The following ITPR2 variants were observed in gnomAD, a reference collection of about 807,000 sequenced individuals.
ITPR2 encodes inositol 1,4,5-trisphosphate receptor type 2.
In ITPR2, 207 loss-of-function variants were observed where a neutral mutation model predicts 317.1. The observed-to-expected ratio is 0.65, with a 90% CI of 0.58 to 0.73. ITPR2 has a LOEUF of 0.73. Among genes scored for constraint, ITPR2 ranks in the 30% least tolerant of loss-of-function variants. The probability of loss-of-function intolerance (pLI) is 0.00; values close to 1 mark genes in which losing one functional copy is unlikely to be tolerated. For synonymous variants in ITPR2, 1,156 were observed against 1,149.1 expected, an observed-to-expected ratio of 1.01 and a Z score of -0.12; for missense variants, 2,613 against 3,284.0, an observed-to-expected ratio of 0.80 and a Z score of 4.99.
intron 2 of ITPR2, among the ~76,000 whole-genome samples, chr12:26,776,320 G>C (rs1294444023): frequency 6.6e-6 from 1 of 152,124 alleles, no homozygotes; most frequent in Non-Finnish European, 1.5e-5. Flanking sequence ...AAGTTCACTG[G>C]ACAAAGTGAT....
At chr12:26,397,309 T>C (rs926797401) in intron 54 of ITPR2, among the ~76,000 whole-genome samples, 3 of 151,892 alleles carry the variant, frequency 2.0e-5, no homozygotes, top group Non-Finnish European at 4.4e-5. Flanking sequence ...TTCTTCCACC[T>C]CCATGACTTT....
At chr12:26,419,011 T>G (rs1310131123) in intron 50 of ITPR2, 38 bp downstream of exon 50, 1 of 1,557,588 alleles carries the variant, frequency 6.4e-7, no homozygotes. Context: ...CATTGTGTAC[T>G]TTTTCAGCAG....
chr12:26,422,444 A>G (rs1237031062), intron 49 of ITPR2, among the ~76,000 whole-genome samples: 1 of 152,146 alleles, frequency 6.6e-6, no homozygotes, highest in Non-Finnish European at 1.5e-5. Flanking sequence ...ACAGTGTAGC[A>G]GAAAGACACT....
chr12:26,827,314 C>T (rs937968425), intron 1 of ITPR2, among the ~76,000 whole-genome samples: 7 of 151,940 alleles, frequency 4.6e-5, no homozygotes, highest in African/African-American at 1.5e-4. Context: ...AACTGTAACT[C>T]GGCTTGCAAC....
At chr12:26,757,530 T>C (rs1243060712) in intron 2 of ITPR2, among the ~76,000 whole-genome samples, 1 of 152,186 alleles carries the variant, frequency 6.6e-6, no homozygotes, top group South Asian at 2.1e-4. Context: ...TCATTTAATT[T>C]CTTAATAAAT....
intron 13 of ITPR2, among the ~76,000 whole-genome samples, chr12:26,669,188 C>T (rs960031233): frequency 6.6e-6 from 1 of 151,404 alleles, no homozygotes; most frequent in Non-Finnish European, 1.5e-5. Flanking sequence ...AATTATTCTA[C>T]ATACATTCTA....
chr12:26,389,878 C>G lies in ITPR2; in HGVS notation c.7697-2284G>C, dbSNP rs1158918412. Among the ~76,000 whole-genome samples, 4 of 152,160 alleles carry G rather than the reference C, an allele frequency of 2.6e-5. No homozygotes were observed. The East Asian group carries it at 7.7e-4, about 29-fold the overall frequency. ...AAAGAAATGTTATTTCATCCAGCAA[C>G]TTGGATAAAAATTTATTACATTTAT... On this transcript the variant is annotated intron_variant, in intron 54 of 56. Coordinates refer to ENST00000381340, the MANE Select transcript of ITPR2 (RefSeq NM_002223.4).
At position 26,497,708 on chromosome 12, in the gene ITPR2, A is replaced by AT. The variant is rs34121849; in HGVS notation, c.5074-2449dup. Among the ~76,000 whole-genome samples, 751 of 126,502 alleles carry AT rather than the reference A, an allele frequency of 5.9e-3. 6 individuals are homozygous for AT. The highest frequency in any genetic ancestry group is 0.025 in the East Asian group (116 of 4,556). 83.0% of individuals were successfully genotyped at this position (126,502 alleles called of 152,430 possible). On this transcript the variant is annotated intron_variant, in intron 37 of 56. Transcript: ENST00000381340. ...TGTCCTAAATGTCATAGTGCCAAGA[A>AT]TTTTTTTTTTTTTTTTTTTTGAAAC...
At chr12:26,640,942 C>T (rs529603745) in intron 21 of ITPR2, among the ~76,000 whole-genome samples, 5 of 152,226 alleles carry the variant, frequency 3.3e-5, no homozygotes, top group African/African-American at 1.2e-4. Flanking sequence ...CTGGAGATGT[C>T]TAACTCAGAT....
chr12:26,579,952 T>G (rs1460912736), intron 33 of ITPR2, 75 bp downstream of exon 33: 5 of 1,273,820 alleles, frequency 3.9e-6, no homozygotes, highest in Non-Finnish European at 5.5e-6. Flanking sequence ...GATGACTTCC[T>G]GACCAGAAAA....
chr12:26,365,722 A>G (rs1467750152), intron 55 of ITPR2, among the ~76,000 whole-genome samples: 1 of 152,230 alleles, frequency 6.6e-6, no homozygotes, highest in Non-Finnish European at 1.5e-5. Flanking sequence ...GTTTAAATAG[A>G]ATGCTTGTTT....
At chr12:26,350,281 G>C (rs571437721) in intron 55 of ITPR2, among the ~76,000 whole-genome samples, 10 of 152,320 alleles carry the variant, frequency 6.6e-5, no homozygotes, top group South Asian at 4.1e-4. Flanking sequence ...CTGGGCTCTG[G>C]AGTTTCAAAG....
intron 37 of ITPR2, among the ~76,000 whole-genome samples, chr12:26,516,259 A>AGGG (rs1565574437): frequency 5.7e-5 from 3 of 52,356 alleles, no homozygotes; most frequent in Non-Finnish European, 9.0e-5. Flanking sequence ...AAGGAAAGGA[A>AGGG]AGGAAAGGAA....
chr12:26,432,778 C>CT (rs1941246356), intron 48 of ITPR2, among the ~76,000 whole-genome samples: 1 of 152,150 alleles, frequency 6.6e-6, no homozygotes, highest in South Asian at 2.1e-4. Context: ...TAATCTTTTT[C>CT]TCTAAATTTT....
At chr12:26,696,310 T>C (rs1461147595) in intron 9 of ITPR2, among the ~76,000 whole-genome samples, 1 of 152,174 alleles carries the variant, frequency 6.6e-6, no homozygotes, top group African/African-American at 2.4e-5. Context: ...TTAGTTGTTC[T>C]GAAATAGTTG....
chr12:26,691,292 CTT>C (rs1312057433), intron 10 of ITPR2, among the ~76,000 whole-genome samples: 1 of 152,112 alleles, frequency 6.6e-6, no homozygotes, highest in African/African-American at 2.4e-5. Context: ...GTCCTTGTGG[CTT>C]TTGTTTATAA....
At chr12:26,345,859 GT>G (rs1395831227) in intron 55 of ITPR2, among the ~76,000 whole-genome samples, 2 of 145,928 alleles carry the variant, frequency 1.4e-5, no homozygotes, top group Non-Finnish European at 3.1e-5. Flanking sequence ...CTTGTAATAT[GT>G]ATGCCATCTA....
intron 45 of ITPR2, among the ~76,000 whole-genome samples, chr12:26,468,071 A>G (rs994819909): frequency 1.6e-4 from 25 of 152,188 alleles, no homozygotes; most frequent in Admixed American, 1.6e-3. Context: ...AACCTAGTGT[A>G]AAAGTAAGTA....
At chr12:26,818,630 AC>A (rs1483548276) in intron 1 of ITPR2, among the ~76,000 whole-genome samples, 2 of 152,204 alleles carry the variant, frequency 1.3e-5, no homozygotes, top group Non-Finnish European at 2.9e-5. Flanking sequence ...TCTTGATTTG[AC>A]TTAAAAGGTC....
Sources: allele counts gnomAD v4.1 joint callset (sites outside exome capture counted in the v4.1 genomes callset), GRCh38; gene constraint gnomAD v4.1.1; transcripts MANE v1.5; gene names NCBI Gene and HGNC (gene_info 2026-07-23, HGNC 2026-07-21).